CPS1: variants seen among roughly 807,000 people sequenced by gnomAD.
CPS1 encodes the protein carbamoyl-phosphate synthase 1, also known as carbamoyl-phosphate synthase [ammonia], mitochondrial.
In CPS1, 109 loss-of-function variants were observed where a neutral mutation model predicts 174.6. That is an observed-to-expected ratio of 0.62 (90% CI 0.53 to 0.73). CPS1 has a LOEUF of 0.73. Ranked by LOEUF, CPS1 falls within the 30% of genes least tolerant of loss-of-function variation. The pLI is 0.00. For missense variants in CPS1, 1,689 were observed against 1,821.9 expected, an observed-to-expected ratio of 0.93 and a Z score of 1.33; for synonymous variants, 637 against 632.0, an observed-to-expected ratio of 1.01 and a Z score of -0.12.
Position 210,599,538 on chromosome 2 carries a change from G to A in CPS1, c.1526G>A (p.Gly509Asp). Reference protein sequence around the residue: ...EQPDGLILGMGGQTALNCGVE... With the variant: ...EQPDGLILGMDGQTALNCGVE... Reference sequence around the variant, plus strand: ...CCAGATGGGTTAATTCTGGGCATGGGTGGCCAGACAGCTCTGAACTGTGGT... The same window carrying A: ...CCAGATGGGTTAATTCTGGGCATGGATGGCCAGACAGCTCTGAACTGTGGT... Residue 509 changes from glycine to aspartate, a missense_variant, in exon 14 of 38, where the codon GGT becomes GAT. By Grantham distance (94) the Gly-to-Asp change is moderately conservative. Transcript: ENST00000233072. The A allele has an allele frequency of 1.2e-6, 2 of 1,612,420 alleles. No homozygotes were observed. Among genetic ancestry groups the A allele is most frequent in the Non-Finnish European group, 8.5e-7 (1 of 1,178,942 alleles).
intron 1 of CPS1, among the ~76,000 whole-genome samples, chr2:210,541,295 A>G (rs1196773322): frequency 6.6e-6 from 1 of 152,194 alleles, no homozygotes; most frequent in African/African-American, 2.4e-5. Flanking sequence ...TGCCTGGCCA[A>G]TCAAACTGTC....
chr2:210,645,173 A>G (rs1400161910), intron 25 of CPS1, among the ~76,000 whole-genome samples: 3 of 152,070 alleles, frequency 2.0e-5, no homozygotes, highest in African/African-American at 7.2e-5. Flanking sequence ...TCTCATACTG[A>G]ATTCCTTTTG....
At chr2:210,593,182 G>A (rs73073575) in intron 11 of CPS1, among the ~76,000 whole-genome samples, 5 of 151,986 alleles carry the variant, frequency 3.3e-5, no homozygotes, top group African/African-American at 1.2e-4. Flanking sequence ...AACCCGAAGC[G>A]ATGGTATTTT....
At chr2:210,497,918 A>ATATATATATATATATATATC (rs970136471) in intron 1 of CPS1, among the ~76,000 whole-genome samples, 1 of 142,192 alleles carries the variant, frequency 7.0e-6, no homozygotes, top group Non-Finnish European at 1.5e-5. Flanking sequence ...ATATATATAT[A>ATATATATATATATATATATC]TCTCCAGTAA....
chr2:210,646,798 A>T (rs374240596), intron 25 of CPS1, among the ~76,000 whole-genome samples: 7 of 152,184 alleles, frequency 4.6e-5, no homozygotes, highest in African/African-American at 1.7e-4. Context: ...TTAGACAAGA[A>T]GGGGTGGGTG....
intron 16 of CPS1, among the ~76,000 whole-genome samples, chr2:210,603,490 A>C (rs768673107): frequency 6.6e-6 from 1 of 151,910 alleles, no homozygotes; most frequent in Non-Finnish European, 1.5e-5. Context: ...TCACATATTT[A>C]GAGCAAAAAC....
At chr2:210,509,046 C>A (rs1208261307) in intron 1 of CPS1, among the ~76,000 whole-genome samples, 1 of 151,956 alleles carries the variant, frequency 6.6e-6, no homozygotes, top group South Asian at 2.1e-4. Context: ...CAGCATCATC[C>A]TGATACCAAA....
intron 21 of CPS1, among the ~76,000 whole-genome samples, chr2:210,622,534 C>G (rs1699562233): frequency 1.3e-5 from 2 of 151,568 alleles, no homozygotes; most frequent in Non-Finnish European, 2.9e-5. Flanking sequence ...GGGTGATAGT[C>G]CTATCATGGT....
At chr2:210,519,811 C>T in intron 1 of CPS1, 1 of 984,354 alleles carries the variant, frequency 1.0e-6, no homozygotes, top group Non-Finnish European at 1.2e-6. Flanking sequence ...GCGGGGAGGG[C>T]AATGATTTAT....
chr2:210,668,698 C>T (rs1458225915), intron 34 of CPS1, among the ~76,000 whole-genome samples: 1 of 152,076 alleles, frequency 6.6e-6, no homozygotes, highest in Non-Finnish European at 1.5e-5. Context: ...TCTTGATTTT[C>T]CCCCTTGCCA....
chr2:210,586,556 T>C (rs1559090125), intron 6 of CPS1, among the ~76,000 whole-genome samples: 2 of 152,058 alleles, frequency 1.3e-5, no homozygotes, highest in Non-Finnish European at 2.9e-5. Flanking sequence ...TCAAGCAAGG[T>C]TGCAAAATGC....
At chr2:210,591,757 C>T (rs1698306838) in intron 9 of CPS1, 74 bp from the exon 10 acceptor site, 2 of 1,529,642 alleles carry the variant, frequency 1.3e-6, no homozygotes, top group Non-Finnish European at 1.8e-6. Flanking sequence ...TTGTTCACTA[C>T]TTTATAAGGA....
At chr2:210,509,815 C>T (rs956198639) in intron 1 of CPS1, among the ~76,000 whole-genome samples, 2 of 152,152 alleles carry the variant, frequency 1.3e-5, no homozygotes, top group Non-Finnish European at 2.9e-5. Context: ...ATCCAACTTA[C>T]AAGGGATGTG....
chr2:210,520,601 T>C (rs528466433), intron 1 of CPS1, among the ~76,000 whole-genome samples: 67 of 152,192 alleles, frequency 4.4e-4, no homozygotes, highest in African/African-American at 1.4e-3. Context: ...TCTCTCCTTT[T>C]TGCCTACTCT....
At chr2:210,498,781 A>T (rs1306089861) in intron 1 of CPS1, among the ~76,000 whole-genome samples, 2 of 152,110 alleles carry the variant, frequency 1.3e-5, no homozygotes, top group African/African-American at 4.8e-5. Flanking sequence ...ATGCTTGGAG[A>T]TCTGCCTGGG....
chr2:210,600,803 A>G, intron 15 of CPS1, 91 bp downstream of exon 15: 1 of 1,369,342 alleles, frequency 7.3e-7, no homozygotes, highest in Admixed American at 1.7e-5. Context: ...AATAGTTAAG[A>G]TTATTATACT....
chr2:210,525,173 A>G (rs1010235266), intron 1 of CPS1, among the ~76,000 whole-genome samples: 3 of 151,872 alleles, frequency 2.0e-5, no homozygotes, highest in African/African-American at 7.2e-5. Context: ...AATCTTTGGT[A>G]TGGCTGGGTA....
At chr2:210,670,715 A>G (rs1559138643) in intron 34 of CPS1, among the ~76,000 whole-genome samples, 1 of 152,304 alleles carries the variant, frequency 6.6e-6, no homozygotes, top group East Asian at 1.9e-4. Context: ...ATGAAGTTCC[A>G]AGAGAACTTG....
rs527367379 is a variant in CPS1, at chr2:210,623,195, C to A, written c.2687+6654C>A. On this transcript the variant is annotated intron_variant, in intron 21 of 37. Transcript: ENST00000233072. ...GCTCTCTTGTTTTTATGTACAATGCCGCTATTTATGTTAGCAATGTTGTAG... is the reference window on the plus strand; with the variant it reads ...GCTCTCTTGTTTTTATGTACAATGCAGCTATTTATGTTAGCAATGTTGTAG... 2.6e-5 allele frequency among the ~76,000 whole-genome samples: 4 copies of A among 151,916 alleles called. No individual in the cohort carries two copies. The South Asian group carries it at 8.3e-4, about 32-fold the overall frequency.
Sources: gnomAD v4.1 joint callset for allele counts (sites outside exome capture counted in the v4.1 genomes callset) on GRCh38, gnomAD v4.1.1 for gene constraint, MANE v1.5 for transcripts, NCBI Gene and HGNC (gene_info 2026-07-23, HGNC 2026-07-21) for gene names.